Variants in NBAS observed in about 807,000 individuals in gnomAD.
The protein encoded by NBAS is NAG/BC035112 fusion.
A neutral mutation model predicts 302.5 loss-of-function variants in NBAS; 219 were observed. The ratio of observed to expected loss-of-function variants is 0.72; its 90% CI spans 0.65 to 0.81. The LOEUF is 0.81. Among genes scored for constraint, NBAS ranks in the 30% least tolerant of loss-of-function variants. NBAS has a pLI of 0.00. For synonymous variants in NBAS, 1,118 were observed against 1,021.6 expected, an observed-to-expected ratio of 1.09 and a Z score of -1.80; for missense variants, 2,932 against 2,841.6, an observed-to-expected ratio of 1.03 and a Z score of -0.72.
intron 11 of NBAS, among the ~76,000 whole-genome samples, chr2:15,493,918 G>A (rs1001911612): frequency 4.7e-5 from 7 of 147,582 alleles, no homozygotes; most frequent in Admixed American, 6.9e-5. Context: ...CCTCTGCCTC[G>A]AGGGTTCAAG....
chr2:15,333,709 AC>A (rs1672450926), intron 35 of NBAS, among the ~76,000 whole-genome samples: 1 of 152,088 alleles, frequency 6.6e-6, no homozygotes, highest in South Asian at 2.1e-4. Context: ...CAATCAGCTA[AC>A]AAAGAAAGTT....
the NBAS span, among the ~76,000 whole-genome samples, chr2:14,865,532 T>TA: frequency 6.6e-6 from 1 of 152,152 alleles, no homozygotes; most frequent in African/African-American, 2.4e-5. Flanking sequence ...CAACTAGGCT[T>TA]AAAAAGAAAA....
At chr2:15,325,246 A>G (rs545092786) in intron 38 of NBAS, among the ~76,000 whole-genome samples, 1 of 152,166 alleles carries the variant, frequency 6.6e-6, no homozygotes, top group Non-Finnish European at 1.5e-5. Context: ...ATTGCAATAA[A>G]CTGTATCACA....
chr2:15,295,828 C>A lies in NBAS; in HGVS notation c.4798-3062G>T, dbSNP rs555980350. Among the ~76,000 whole-genome samples the A allele has an allele frequency of 2.6e-5, 4 of 152,176 alleles. No individual in the cohort carries two copies. In the East Asian group the frequency reaches 7.8e-4, roughly 30 times the overall value. On this transcript the variant is annotated intron_variant, in intron 40 of 51. Transcript: ENST00000281513. Reference sequence around the variant, plus strand: ...GTACTGGTTGATATTGCAGCTTCCCCACTCAGTAGAGATGCAGTCTGAAAC... The same window carrying A: ...GTACTGGTTGATATTGCAGCTTCCCAACTCAGTAGAGATGCAGTCTGAAAC...
At chr2:15,415,800 A>C in intron 24 of NBAS, 81 bp from the exon 25 acceptor site, 1 of 1,460,366 alleles carries the variant, frequency 6.8e-7, no homozygotes, top group Non-Finnish European at 9.6e-7. Flanking sequence ...GCGAGTTCTA[A>C]AGCTTACAGG....
intron 50 of NBAS, among the ~76,000 whole-genome samples, chr2:15,186,453 A>T (rs1199183836): frequency 2.6e-5 from 4 of 152,210 alleles, no homozygotes; most frequent in African/African-American, 9.7e-5. Flanking sequence ...TACCATGGCC[A>T]CTTGGAACAT....
At chr2:15,560,796 G>T (rs1664874654) in intron 1 of NBAS, among the ~76,000 whole-genome samples, 1 of 152,132 alleles carries the variant, frequency 6.6e-6, no homozygotes, top group East Asian at 1.9e-4. Flanking sequence ...CCGCGAGAAG[G>T]GACCACTGAG....
chr2:15,199,392 G>T (rs16862424), intron 48 of NBAS, among the ~76,000 whole-genome samples: 27,609 of 151,984 alleles, frequency 0.18, 3,355 homozygotes, highest in East Asian at 0.49. Context: ...ACCTAGAAAA[G>T]AATCAAATTC....
the NBAS span, among the ~76,000 whole-genome samples, chr2:15,112,207 A>C: frequency 6.6e-6 from 1 of 151,784 alleles, no homozygotes; most frequent in Non-Finnish European, 1.5e-5. Flanking sequence ...TATAATTCAG[A>C]ATTAGAAAAA....
chr2:15,340,728 G>A (rs534545783), intron 35 of NBAS, among the ~76,000 whole-genome samples: 11 of 152,266 alleles, frequency 7.2e-5, no homozygotes, highest in Admixed American at 3.3e-4. Context: ...TAGCTGGGGA[G>A]ATGAGGACAA....
At chr2:15,078,868 T>A in the NBAS span, among the ~76,000 whole-genome samples, 1 of 152,172 alleles carries the variant, frequency 6.6e-6, no homozygotes, top group Non-Finnish European at 1.5e-5. Flanking sequence ...TCAAAGACAA[T>A]ATACAATTTT....
At chr2:14,802,982 A>G in the NBAS span, among the ~76,000 whole-genome samples, 2 of 150,858 alleles carry the variant, frequency 1.3e-5, no homozygotes, top group Admixed American at 6.6e-5. Flanking sequence ...TGGCACATGT[A>G]TACATATGTA....
chr2:15,141,140 G>T, the NBAS span, among the ~76,000 whole-genome samples: 7 of 151,492 alleles, frequency 4.6e-5, no homozygotes, highest in African/African-American at 1.7e-4. Context: ...TCTCTCTCTC[G>T]CTCCCATCCC....
At chr2:15,422,548 T>TAAA (rs547724335) in intron 23 of NBAS, among the ~76,000 whole-genome samples, 10 of 146,284 alleles carry the variant, frequency 6.8e-5, no homozygotes, top group African/African-American at 2.5e-4. Flanking sequence ...TAGTTGATTG[T>TAAA]AAAAAAAAAA....
chr2:14,905,729 C>T, the NBAS span, among the ~76,000 whole-genome samples: 1 of 152,190 alleles, frequency 6.6e-6, no homozygotes, highest in Admixed American at 6.5e-5. Flanking sequence ...TTGCAGGCCA[C>T]ACGTGACCCA....
chr2:14,857,770 T>A, the NBAS span, among the ~76,000 whole-genome samples: 2 of 152,070 alleles, frequency 1.3e-5, no homozygotes, highest in Non-Finnish European at 1.5e-5. Context: ...TGGGCAAAAA[T>A]TTCTTGAGTA....
the NBAS span, among the ~76,000 whole-genome samples, chr2:14,976,589 G>T: frequency 1.3e-5 from 2 of 152,220 alleles, no homozygotes; most frequent in Non-Finnish European, 2.9e-5. Context: ...TTGAAAAGTG[G>T]TCGTTCCAAA....
At chr2:15,445,309 G>T (rs1678670770) in intron 21 of NBAS, among the ~76,000 whole-genome samples, 1 of 147,048 alleles carries the variant, frequency 6.8e-6, no homozygotes, top group African/African-American at 2.5e-5. Flanking sequence ...TATACACCAT[G>T]GAATACTATG....
chr2:14,930,110 A>T, the NBAS span, among the ~76,000 whole-genome samples: 1 of 152,180 alleles, frequency 6.6e-6, no homozygotes, highest in African/African-American at 2.4e-5. Flanking sequence ...TGAGTCAATT[A>T]AACCTCTTTT....
Sources: allele counts gnomAD v4.1 joint callset (sites outside exome capture counted in the v4.1 genomes callset), GRCh38; gene constraint gnomAD v4.1.1; transcripts MANE v1.5; gene names NCBI Gene and HGNC (gene_info 2026-07-23, HGNC 2026-07-21).